SPATA9: variants seen among roughly 807,000 people sequenced by gnomAD.
SPATA9 encodes the protein spermatogenesis associated 9, also known as spermatogenesis-associated protein 9.
Under a neutral mutation model 25.5 loss-of-function variants are expected in SPATA9, and 27 were observed. That is an observed-to-expected ratio of 1.06 (90% CI 0.78 to 1.46). The LOEUF (loss-of-function observed/expected upper bound fraction) is 1.46. SPATA9 is among the 40% of genes most tolerant of loss of function. The pLI is 0.00. For missense variants in SPATA9, 282 were observed against 297.5 expected (o/e 0.95, Z 0.38); for synonymous variants, 102 against 105.7 (o/e 0.97, Z 0.21).
At chr5:95,678,917 A>C (rs916371366) in intron 2 of SPATA9, among the ~76,000 whole-genome samples, 1 of 152,240 alleles carries the variant, frequency 6.6e-6, no homozygotes, top group African/African-American at 2.4e-5. Flanking sequence ...ATAGTGGGAA[A>C]ACAGCAATAT....
At chr5:95,673,704 T>C (rs886383259) in intron 3 of SPATA9, among the ~76,000 whole-genome samples, 43 of 152,142 alleles carry the variant, frequency 2.8e-4, no homozygotes, top group Non-Finnish European at 4.4e-4. Flanking sequence ...GGTTTAGCTT[T>C]GTTTCTTTTT....
chr5:95,703,740 T>C, the SPATA9 span, among the ~76,000 whole-genome samples: 5 of 152,152 alleles, frequency 3.3e-5, no homozygotes, highest in Admixed American at 3.3e-4. Flanking sequence ...TGATTATCAA[T>C]GGGTGGTTGG....
downstream of SPATA9, chr5:95,657,102 T>A (rs1317772309): frequency 6.6e-6 from 1 of 152,178 alleles, no homozygotes; most frequent in Non-Finnish European, 1.5e-5. Flanking sequence ...GTTCTTTGAA[T>A]GCCTATATGA....
At chr5:95,731,056 C>T in the SPATA9 span, 1 of 1,059,636 alleles carries the variant, frequency 9.4e-7, no homozygotes, top group East Asian at 7.2e-5. Flanking sequence ...TACGGCCTTG[C>T]GAGTTGAACA....
At chr5:95,689,321 G>A (rs1312998071) in intron 1 of SPATA9, among the ~76,000 whole-genome samples, 13 of 152,154 alleles carry the variant, frequency 8.5e-5, no homozygotes. Flanking sequence ...AAATAAATGT[G>A]TAGCAGGTTT....
the SPATA9 span, chr5:95,717,576 G>T: frequency 1.3e-5 from 2 of 152,242 alleles, no homozygotes; most frequent in Non-Finnish European, 2.9e-5. Flanking sequence ...AGACTCTGAA[G>T]GGGAGGAGCC....
chr5:95,667,757 C>G (rs747824356), intron 3 of SPATA9, among the ~76,000 whole-genome samples: 2 of 151,958 alleles, frequency 1.3e-5, no homozygotes, highest in Non-Finnish European at 2.9e-5. Flanking sequence ...GATCTGTGTC[C>G]CCACCAAATC....
upstream of SPATA9, among the ~76,000 whole-genome samples, chr5:95,686,453 A>G (rs79210478): frequency 0.011 from 1,632 of 152,320 alleles, 32 homozygotes; most frequent in African/African-American, 0.037. Context: ...AAAAAAAACT[A>G]GGAAATATTA....
downstream of SPATA9, chr5:95,657,363 C>A (rs1036732091): frequency 6.6e-6 from 1 of 151,788 alleles, no homozygotes; most frequent in Non-Finnish European, 1.5e-5. Context: ...AAGCACCCAC[C>A]ATGCAAAAAT....
the SPATA9 span, among the ~76,000 whole-genome samples, chr5:95,716,372 A>G: frequency 6.6e-6 from 1 of 152,274 alleles, no homozygotes; most frequent in African/African-American, 2.4e-5. Flanking sequence ...CATGTGAGAC[A>G]TGGAGTCAAA....
chr5:95,726,268 T>A, the SPATA9 span, among the ~76,000 whole-genome samples: 1 of 152,254 alleles, frequency 6.6e-6, no homozygotes, highest in Admixed American at 6.5e-5. Flanking sequence ...GATATTTTTA[T>A]CTTGGCAAGA....
chr5:95,681,188 T>G (rs1753422640), intron 2 of SPATA9, among the ~76,000 whole-genome samples: 1 of 152,230 alleles, frequency 6.6e-6, no homozygotes, highest in South Asian at 2.1e-4. Flanking sequence ...GTGTTACCTA[T>G]AAGGGAAAGT....
chr5:95,675,595 A>G lies in SPATA9; in HGVS notation c.195T>C (p.Ile65=), dbSNP rs1752855999. ...AQKTSKIRMA[I]ALAKINRATL... is the part of the protein sequence containing the mutation. ...TTGCTCGATTAATCTTAGCTAAAGC[A>G]ATAGCCATCCTGATTTTGGATGTTT... is the stretch of plus-strand genomic sequence containing the variant. The change falls in exon 3 of 5, where the codon ATT becomes ATC. Residue 65 remains isoleucine, a synonymous_variant. Transcript: ENST00000274432. 1.9e-6 allele frequency: 3 copies of G among 1,614,048 alleles called. No individual in the cohort carries two copies. Among genetic ancestry groups the G allele is most frequent in the Non-Finnish European group, 2.5e-6 (3 of 1,180,032 alleles).
At chr5:95,698,141 T>C (rs1184682655) in intron 1 of SPATA9, among the ~76,000 whole-genome samples, 2 of 152,212 alleles carry the variant, frequency 1.3e-5, no homozygotes. Flanking sequence ...GGACTTTCAT[T>C]TGGGAAAATC....
At chr5:95,712,399 CTG>C in the SPATA9 span, among the ~76,000 whole-genome samples, 11 of 152,170 alleles carry the variant, frequency 7.2e-5, no homozygotes, top group African/African-American at 2.7e-4. Context: ...TGAAGTGACA[CTG>C]TGTGAATTCT....
intron 1 of SPATA9, among the ~76,000 whole-genome samples, chr5:95,696,441 T>C (rs1754023570): frequency 1.3e-5 from 2 of 152,248 alleles, no homozygotes; most frequent in African/African-American, 4.8e-5. Flanking sequence ...CTTCTGAATT[T>C]AAGCTGTTGA....
At chr5:95,659,084 G>A (rs1376675414) in intron 4 of SPATA9, among the ~76,000 whole-genome samples, 171 bp from the exon 5 acceptor site, 1 of 152,114 alleles carries the variant, frequency 6.6e-6, no homozygotes, top group African/African-American at 2.4e-5. Context: ...TTGGGAGATT[G>A]TTCTAAATAA....
At chr5:95,697,767 A>G (rs966581456) in intron 1 of SPATA9, among the ~76,000 whole-genome samples, 2 of 152,094 alleles carry the variant, frequency 1.3e-5, no homozygotes, top group African/African-American at 4.8e-5. Context: ...GAAATGACAG[A>G]CTCGCTTCTT....
chr5:95,718,201 G>T, the SPATA9 span, among the ~76,000 whole-genome samples: 1 of 152,124 alleles, frequency 6.6e-6, no homozygotes. Flanking sequence ...GCCGTATGGG[G>T]AAGAAAGAAT....
Sources: allele counts gnomAD v4.1 joint callset (sites outside exome capture counted in the v4.1 genomes callset), GRCh38; gene constraint gnomAD v4.1.1; transcripts MANE v1.5; gene names NCBI Gene and HGNC (gene_info 2026-07-23, HGNC 2026-07-21).